TPD52: variants seen among roughly 807,000 people sequenced by gnomAD.
TPD52 encodes the protein prostate and colon associated protein.
Under a neutral mutation model 31.3 loss-of-function variants are expected in TPD52, and 17 were observed. The observed-to-expected ratio is 0.54, with a 90% CI of 0.37 to 0.82. TPD52 has a LOEUF of 0.82. TPD52 is among the 40% of genes least tolerant of loss of function. TPD52 has a pLI of 0.00. For synonymous variants in TPD52, 83 were observed against 89.6 expected (o/e 0.93, Z 0.42); for missense variants, 212 against 240.1 (o/e 0.88, Z 0.77).
chr8:80,031,315 A>C (rs1661803382), downstream of TPD52, among the ~76,000 whole-genome samples: 1 of 152,248 alleles, frequency 6.6e-6, no homozygotes, highest in South Asian at 2.1e-4. Context: ...CACGAAGTAC[A>C]CTGATCTCAG....
intron 1 of TPD52, among the ~76,000 whole-genome samples, chr8:80,140,764 GA>G (rs1809773289): frequency 6.6e-6 from 1 of 152,138 alleles, no homozygotes; most frequent in African/African-American, 2.4e-5. Flanking sequence ...CGCACTCTAG[GA>G]AACTATTGCA....
At chr8:80,149,408 C>G (rs1301832736) in intron 1 of TPD52, among the ~76,000 whole-genome samples, 1 of 152,194 alleles carries the variant, frequency 6.6e-6, no homozygotes, top group African/African-American at 2.4e-5. Context: ...GTCAATTAAG[C>G]CTCTTTCTTT....
At chr8:80,067,632 C>A (rs768188293) in intron 1 of TPD52, among the ~76,000 whole-genome samples, 9 of 152,088 alleles carry the variant, frequency 5.9e-5, no homozygotes, top group Non-Finnish European at 1.3e-4. Flanking sequence ...ACACCTAAAT[C>A]TTTGGTGGAG....
intron 1 of TPD52, among the ~76,000 whole-genome samples, chr8:80,149,670 G>A (rs896672221): frequency 3.9e-5 from 6 of 152,184 alleles, no homozygotes; most frequent in Non-Finnish European, 5.9e-5. Context: ...CCAGGCTGAC[G>A]TGGTTTCAGA....
At chr8:80,126,951 A>C (rs1020082725) in intron 1 of TPD52, among the ~76,000 whole-genome samples, 1 of 152,052 alleles carries the variant, frequency 6.6e-6, no homozygotes, top group African/African-American at 2.4e-5. Context: ...CTACAAAAAA[A>C]TTTTTTAAAC....
At position 80,034,747 on chromosome 8, in the gene TPD52, T is replaced by C. The variant is rs577642977; in HGVS notation, c.*3369A>G. 1 of 152,298 alleles carries C rather than the reference T, an allele frequency of 6.6e-6. No individual in the cohort carries two copies. The highest frequency in any genetic ancestry group is 2.1e-4 in the South Asian group (1 of 4,828). The allele number at this position is 152,298 out of a possible 1,614,324, so 9.4% of individuals were successfully genotyped here. A position where few individuals can be genotyped will look rare whatever the true frequency, so the allele number is the denominator to read the frequency against. On this transcript the variant is annotated 3_prime_UTR_variant, in exon 8 of 8. Transcript: ENST00000518937. ...GGTAAAGTGAAAGATCACGTCCATT[T>C]ACAAATATTCAAACAAAACTGTATT...
intron 1 of TPD52, among the ~76,000 whole-genome samples, chr8:80,070,516 A>G (rs1033691420): frequency 6.6e-6 from 1 of 152,120 alleles, no homozygotes; most frequent in Admixed American, 6.5e-5. Flanking sequence ...GCAATGTGCA[A>G]CCTAGATCCC....
chr8:80,101,989 A>G (rs1563627189), intron 1 of TPD52, among the ~76,000 whole-genome samples: 1 of 152,210 alleles, frequency 6.6e-6, no homozygotes, highest in Admixed American at 6.5e-5. Flanking sequence ...AGTGCATGCA[A>G]CTAAGCCTGT....
chr8:80,156,465 G>C (rs547754240), intron 1 of TPD52, among the ~76,000 whole-genome samples: 1 of 152,278 alleles, frequency 6.6e-6, no homozygotes, highest in South Asian at 2.1e-4. Context: ...CCTTTTGGAG[G>C]GAGGAGTATC....
intron 1 of TPD52, among the ~76,000 whole-genome samples, chr8:80,168,484 A>G (rs1422793894): frequency 6.6e-6 from 1 of 152,216 alleles, no homozygotes; most frequent in African/African-American, 2.4e-5. Context: ...AAATCCTAAA[A>G]TTTTCTGCTT....
At chr8:80,069,677 G>T (rs958970615) in intron 1 of TPD52, among the ~76,000 whole-genome samples, 1 of 151,200 alleles carries the variant, frequency 6.6e-6, no homozygotes. Flanking sequence ...GATAAAGCAG[G>T]TTTTTTTTTA....
chr8:80,061,533 A>G (rs1438040296), intron 2 of TPD52, among the ~76,000 whole-genome samples: 2 of 151,880 alleles, frequency 1.3e-5, no homozygotes, highest in African/African-American at 2.4e-5. Flanking sequence ...AAATAAAAAA[A>G]TTAACCAGGC....
intron 1 of TPD52, among the ~76,000 whole-genome samples, chr8:80,103,979 C>G (rs764343275): frequency 1.3e-5 from 2 of 152,184 alleles, no homozygotes; most frequent in Admixed American, 1.3e-4. Flanking sequence ...AAAAGCTAGG[C>G]AGTGAACCAA....
chr8:80,071,278 T>C (rs1442035867), intron 1 of TPD52, among the ~76,000 whole-genome samples: 5 of 152,202 alleles, frequency 3.3e-5, no homozygotes, highest in Admixed American at 3.3e-4. Context: ...CATTGACTAG[T>C]TGGTTGATCT....
intron 1 of TPD52, among the ~76,000 whole-genome samples, chr8:80,101,448 CA>C (rs113660828): frequency 2.8e-3 from 319 of 114,550 alleles, no homozygotes; most frequent in Non-Finnish European, 5.0e-3. Context: ...ACTCCCAGCT[CA>C]AAAAAAAAAA....
chr8:80,112,561 G>A (rs1412081896), intron 1 of TPD52, among the ~76,000 whole-genome samples: 2 of 152,156 alleles, frequency 1.3e-5, no homozygotes, highest in Non-Finnish European at 2.9e-5. Context: ...CAATAGTTTA[G>A]AAATCGTATC....
chr8:80,077,161 G>A (rs13277140), intron 1 of TPD52, among the ~76,000 whole-genome samples: 86,382 of 151,498 alleles, frequency 0.57, 24,958 homozygotes, highest in East Asian at 0.73. Flanking sequence ...TATAGTCCCA[G>A]GTATTTGGGA....
chr8:80,155,770 C>T (rs773794125), intron 1 of TPD52, among the ~76,000 whole-genome samples: 14 of 151,612 alleles, frequency 9.2e-5, no homozygotes, highest in Non-Finnish European at 2.9e-5. Flanking sequence ...GTAATCCCAG[C>T]GACTCGAGAG....
rs1470908957 is a variant in TPD52, at chr8:80,171,268, C to T, written c.19+157G>A. 6 of 957,750 alleles carry T rather than the reference C, an allele frequency of 6.3e-6. No individual in the cohort carries two copies. The Admixed American group carries it at 1.2e-4, about 19-fold the overall frequency. The allele number at this position is 957,750 out of a possible 1,614,324, so 59.3% of individuals were successfully genotyped here. A position where few individuals can be genotyped will look rare whatever the true frequency, so the allele number is the denominator to read the frequency against. On this transcript the variant is annotated intron_variant, in intron 1 of 7. Coordinates refer to ENST00000518937, the MANE Select transcript of TPD52 (RefSeq NM_001025253.3). Reference sequence around the variant, plus strand: ...CGCTCCTTCCAGGGCCCCAGGATGCCAGATCCGGATCCGGGAGATGCAACT... The same window carrying T: ...CGCTCCTTCCAGGGCCCCAGGATGCTAGATCCGGATCCGGGAGATGCAACT...
Sources: allele counts gnomAD v4.1 joint callset (sites outside exome capture counted in the v4.1 genomes callset), GRCh38; gene constraint gnomAD v4.1.1; transcripts MANE v1.5; gene names NCBI Gene and HGNC (gene_info 2026-07-23, HGNC 2026-07-21).